The following RBPMS variants were observed in gnomAD, a reference collection of about 807,000 sequenced individuals.
RBPMS encodes the protein RNA-binding protein with multiple splicing.
A neutral mutation model predicts 26.8 loss-of-function variants in RBPMS; 7 were observed. The ratio of observed to expected loss-of-function variants is 0.26; its 90% CI spans 0.15 to 0.49. RBPMS has a LOEUF of 0.49. Among genes scored for constraint, RBPMS ranks in the 20% least tolerant of loss-of-function variants. RBPMS has a pLI of 0.98. For synonymous variants in RBPMS, 96 were observed against 93.3 expected, an observed-to-expected ratio of 1.03 and a Z score of -0.17; for missense variants, 186 against 250.0, an observed-to-expected ratio of 0.74 and a Z score of 1.73.
At chr8:30,410,447 A>T (rs755723874) in intron 1 of RBPMS, among the ~76,000 whole-genome samples, 88 of 152,058 alleles carry the variant, frequency 5.8e-4, no homozygotes, top group Admixed American at 5.9e-4. Flanking sequence ...TGACCTTGTC[A>T]TCTGCCCCCC....
intron 1 of RBPMS, among the ~76,000 whole-genome samples, chr8:30,392,019 G>T (rs1456990291): frequency 9.2e-5 from 14 of 152,016 alleles, no homozygotes; most frequent in Non-Finnish European, 2.1e-4. Context: ...TGGAGCCAGG[G>T]TCTTCATGTG....
intron 6 of RBPMS, chr8:30,544,872 C>T (rs1318310607): frequency 1.3e-6 from 2 of 1,504,442 alleles, no homozygotes; most frequent in South Asian, 1.3e-5. Flanking sequence ...ATGATCTCAC[C>T]TCATATCGCA....
At chr8:30,500,681 G>A (rs1820467989) in intron 4 of RBPMS, among the ~76,000 whole-genome samples, 2 of 152,136 alleles carry the variant, frequency 1.3e-5, no homozygotes, top group South Asian at 4.2e-4. Flanking sequence ...ACCATTTTCT[G>A]TGTCTCTATA....
intron 5 of RBPMS, among the ~76,000 whole-genome samples, chr8:30,513,419 C>G (rs1364498775): frequency 6.6e-6 from 1 of 151,756 alleles, no homozygotes; most frequent in Non-Finnish European, 1.5e-5. Flanking sequence ...GAAACCCTGT[C>G]TCTACTAAAA....
chr8:30,509,205 T>C (rs1821344118), intron 5 of RBPMS, among the ~76,000 whole-genome samples: 1 of 152,228 alleles, frequency 6.6e-6, no homozygotes, highest in Non-Finnish European at 1.5e-5. Flanking sequence ...TTCTCCTTCC[T>C]ACTTTCATAT....
At chr8:30,413,688 G>T (rs1809718956) in intron 1 of RBPMS, among the ~76,000 whole-genome samples, 1 of 151,818 alleles carries the variant, frequency 6.6e-6, no homozygotes, top group African/African-American at 2.4e-5. Flanking sequence ...TCTCGGCTCA[G>T]TGCAACCTCC....
chr8:30,546,225 T>C (rs764126169), intron 6 of RBPMS, among the ~76,000 whole-genome samples: 1 of 152,172 alleles, frequency 6.6e-6, no homozygotes, highest in African/African-American at 2.4e-5. Flanking sequence ...CACGTGGCAA[T>C]TAAGGCAAAT....
intron 6 of RBPMS, chr8:30,553,124 A>G (rs534020581): frequency 6.6e-6 from 1 of 152,376 alleles, no homozygotes; most frequent in African/African-American, 2.4e-5. Flanking sequence ...CTAGGCAAGG[A>G]CTATTAGGTG....
At chr8:30,528,099 C>T (rs1389192883) in intron 5 of RBPMS, among the ~76,000 whole-genome samples, 4 of 151,584 alleles carry the variant, frequency 2.6e-5, no homozygotes, top group Non-Finnish European at 4.4e-5. Flanking sequence ...CGCTTGAACC[C>T]GGGAGGCAGA....
At chr8:30,517,611 T>C (rs983997213) in intron 5 of RBPMS, among the ~76,000 whole-genome samples, 1 of 152,132 alleles carries the variant, frequency 6.6e-6, no homozygotes, top group African/African-American at 2.4e-5. Context: ...TAGCAAACAT[T>C]TGAGGGGAGG....
chr8:30,541,979 T>G (rs1825434484), intron 5 of RBPMS, among the ~76,000 whole-genome samples: 1 of 152,256 alleles, frequency 6.6e-6, no homozygotes. Flanking sequence ...TGGTGAGGAC[T>G]GCTTCAGGTG....
At chr8:30,502,342 G>A (rs919844718) in intron 4 of RBPMS, among the ~76,000 whole-genome samples, 1 of 152,100 alleles carries the variant, frequency 6.6e-6, no homozygotes, top group African/African-American at 2.4e-5. Context: ...AGTTGATTCT[G>A]GAACACCAGT....
chr8:30,498,849 A>G (rs561069275), intron 4 of RBPMS, among the ~76,000 whole-genome samples: 8 of 152,218 alleles, frequency 5.3e-5, no homozygotes, highest in Non-Finnish European at 1.2e-4. Context: ...ATGAACTTCA[A>G]TACATCTAAA....
At chr8:30,556,168 C>T in intron 6 of RBPMS, 1 of 985,434 alleles carries the variant, frequency 1.0e-6, no homozygotes, top group Non-Finnish European at 1.2e-6. Flanking sequence ...ATTCAGGGGT[C>T]TGTGTGTCCG....
intron 4 of RBPMS, among the ~76,000 whole-genome samples, 173 bp from the exon 5 acceptor site, chr8:30,504,113 G>A (rs373483654): frequency 4.6e-5 from 7 of 152,200 alleles, no homozygotes; most frequent in East Asian, 1.9e-4. Flanking sequence ...ACTGACTTTC[G>A]GGACACTTTG....
chr8:30,556,351 C>T (rs1563448327), intron 6 of RBPMS: 5 of 985,612 alleles, frequency 5.1e-6, no homozygotes, highest in East Asian at 1.1e-4. Context: ...GCTGCACGCT[C>T]GTCCCCAACC....
At chr8:30,514,080 T>G (rs541573701) in intron 5 of RBPMS, among the ~76,000 whole-genome samples, 2 of 152,120 alleles carry the variant, frequency 1.3e-5, no homozygotes, top group Non-Finnish European at 2.9e-5. Context: ...CAAAATACAT[T>G]AGTAATCATT....
chr8:30,462,457 T>C (rs546214237), intron 1 of RBPMS, among the ~76,000 whole-genome samples: 1 of 152,256 alleles, frequency 6.6e-6, no homozygotes, highest in South Asian at 2.1e-4. Context: ...AGGGTCTTGC[T>C]CTGTCACCCA....
chr8:30,443,946 G>C (rs1813430601), intron 1 of RBPMS, among the ~76,000 whole-genome samples: 1 of 150,688 alleles, frequency 6.6e-6, no homozygotes, highest in Non-Finnish European at 1.5e-5. Context: ...TGTCTCTATT[G>C]CCCAGGCTGG....
Sources: gnomAD v4.1 joint callset for allele counts (sites outside exome capture counted in the v4.1 genomes callset) on GRCh38, gnomAD v4.1.1 for gene constraint, MANE v1.5 for transcripts, NCBI Gene and HGNC (gene_info 2026-07-23, HGNC 2026-07-21) for gene names.